SNX13: variants seen among roughly 807,000 people sequenced by gnomAD.
The protein encoded by SNX13 is sorting nexin-13.
A neutral mutation model predicts 133.6 loss-of-function variants in SNX13; 45 were observed. That is an observed-to-expected ratio of 0.34 (90% CI 0.27 to 0.43). The LOEUF (loss-of-function observed/expected upper bound fraction) is 0.43, where lower values mean the gene tolerates loss of function less well. Ranked by LOEUF, SNX13 falls within the 20% of genes least tolerant of loss-of-function variation. SNX13 has a pLI of 1.00. For missense variants in SNX13, 1,032 were observed against 1,145.1 expected, an observed-to-expected ratio of 0.90 and a Z score of 1.43; for synonymous variants, 414 against 373.9, an observed-to-expected ratio of 1.11 and a Z score of -1.24.
chr7:17,914,343 C>T (rs1438286386), intron 1 of SNX13, among the ~76,000 whole-genome samples: 1 of 152,150 alleles, frequency 6.6e-6, no homozygotes, highest in Non-Finnish European at 1.5e-5. Flanking sequence ...TTTCACCAAT[C>T]TGTCTATAGA....
At chr7:17,853,922 C>A (rs1449096064) in intron 9 of SNX13, among the ~76,000 whole-genome samples, 1 of 150,656 alleles carries the variant, frequency 6.6e-6, no homozygotes, top group African/African-American at 2.5e-5. Context: ...GCCTGCGCGA[C>A]AGAGCGAGAA....
rs1020317903 is a variant in SNX13, at chr7:17,940,461, G to A, written c.-166C>T. 5 of 768,528 alleles carry A rather than the reference G, an allele frequency of 6.5e-6. No homozygotes were observed. Among genetic ancestry groups the A allele is most frequent in the Middle Eastern group, 2.5e-4 (1 of 4,034 alleles). The allele number at this position is 768,528 out of a possible 1,614,324, so 47.6% of individuals were successfully genotyped here. A position where few individuals can be genotyped will look rare whatever the true frequency, so the allele number is the denominator to read the frequency against. On this transcript the variant is annotated 5_prime_UTR_variant, in exon 1 of 26. Transcript: ENST00000428135. ...TCGCTGGCCTCCCCTCGGCCCGGTC[G>A]CTCGCGACGGACGCGCCGCCATCTT...
chr7:17,864,029 C>G (rs899472873), intron 9 of SNX13, among the ~76,000 whole-genome samples: 1 of 152,170 alleles, frequency 6.6e-6, no homozygotes, highest in Non-Finnish European at 1.5e-5. Context: ...CATTCAATCC[C>G]TTTTGACTTC....
chr7:17,911,748 A>G (rs940543633), intron 1 of SNX13, among the ~76,000 whole-genome samples: 1 of 152,294 alleles, frequency 6.6e-6, no homozygotes, highest in Middle Eastern at 3.4e-3. Flanking sequence ...CAAGGAGTAC[A>G]ATATGTTATT....
chr7:17,820,040 G>A (rs954225408), intron 18 of SNX13, among the ~76,000 whole-genome samples: 1 of 152,102 alleles, frequency 6.6e-6, no homozygotes, highest in Non-Finnish European at 1.5e-5. Context: ...GGAAATTTCT[G>A]TATGAACTGT....
intron 12 of SNX13, among the ~76,000 whole-genome samples, chr7:17,842,508 C>A (rs571144733): frequency 4.0e-5 from 6 of 151,750 alleles, no homozygotes; most frequent in Non-Finnish European, 8.8e-5. Flanking sequence ...ACTTTGAAAT[C>A]ATATGAAGAA....
intron 4 of SNX13, among the ~76,000 whole-genome samples, chr7:17,891,046 ATAT>A (rs572521966): frequency 6.6e-6 from 1 of 151,966 alleles, no homozygotes; most frequent in Non-Finnish European, 1.5e-5. Context: ...GATAAACTAA[ATAT>A]TAGTAATAAT....
At chr7:17,839,369 C>G (rs951057927) in intron 13 of SNX13, among the ~76,000 whole-genome samples, 1 of 151,502 alleles carries the variant, frequency 6.6e-6, no homozygotes, top group East Asian at 1.9e-4. Flanking sequence ...CCAACTATAA[C>G]CGTTGAATTG....
At chr7:17,938,313 G>C (rs1802343890) in intron 1 of SNX13, among the ~76,000 whole-genome samples, 1 of 152,148 alleles carries the variant, frequency 6.6e-6, no homozygotes, top group Non-Finnish European at 1.5e-5. Flanking sequence ...TGAGCAAAAC[G>C]GTCAGAGCTC....
intron 14 of SNX13, 107 bp downstream of exon 14, chr7:17,834,654 T>C: frequency 1.6e-6 from 1 of 615,682 alleles, no homozygotes; most frequent in Non-Finnish European, 2.6e-6. Flanking sequence ...ATAGTTTATC[T>C]TTTTAATACC....
At chr7:17,853,265 G>T (rs1791456642) in intron 9 of SNX13, among the ~76,000 whole-genome samples, 1 of 152,128 alleles carries the variant, frequency 6.6e-6, no homozygotes, top group African/African-American at 2.4e-5. Flanking sequence ...AGCAAATAAA[G>T]TTAAAGAGGT....
chr7:17,833,988 T>G, intron 15 of SNX13, 64 bp downstream of exon 15: 1 of 1,237,416 alleles, frequency 8.1e-7, no homozygotes, highest in East Asian at 2.8e-5. Context: ...ACAAAAGCTC[T>G]TTTGGTAAGC....
intron 4 of SNX13, among the ~76,000 whole-genome samples, chr7:17,891,344 C>T (rs1796604788): frequency 1.3e-5 from 2 of 151,860 alleles, no homozygotes; most frequent in African/African-American, 4.8e-5. Flanking sequence ...CAAATTCAAT[C>T]GAAAGGCTTT....
chr7:17,852,172 G>A (rs1299198304), intron 9 of SNX13, among the ~76,000 whole-genome samples: 4 of 152,158 alleles, frequency 2.6e-5, no homozygotes, highest in South Asian at 2.1e-4. Flanking sequence ...TCAGGAGTTC[G>A]AGACCAGCCT....
chr7:17,825,093 AG>A (rs1787743035), intron 17 of SNX13, among the ~76,000 whole-genome samples: 1 of 152,180 alleles, frequency 6.6e-6, no homozygotes, highest in Non-Finnish European at 1.5e-5. Context: ...AACAATGCCT[AG>A]CACAGTGCTT....
chr7:17,887,077 T>C (rs966777008), intron 5 of SNX13, among the ~76,000 whole-genome samples: 1 of 152,118 alleles, frequency 6.6e-6, no homozygotes, highest in African/African-American at 2.4e-5. Flanking sequence ...ACTGAACACT[T>C]ACTATGTGCC....
At chr7:17,938,506 C>G (rs6973480) in intron 1 of SNX13, among the ~76,000 whole-genome samples, 1 of 152,026 alleles carries the variant, frequency 6.6e-6, no homozygotes, top group Non-Finnish European at 1.5e-5. Flanking sequence ...GAAAAGTTAA[C>G]AGAATGGGCT....
chr7:17,795,515 T>A (rs560080777), intron 25 of SNX13: 5 of 151,800 alleles, frequency 3.3e-5, no homozygotes, highest in African/African-American at 1.2e-4. Context: ...GGCCACCCCA[T>A]CTAAAACTGC....
intron 5 of SNX13, among the ~76,000 whole-genome samples, chr7:17,886,015 A>C (rs2128371247): frequency 1.3e-5 from 2 of 152,332 alleles, no homozygotes; most frequent in African/African-American, 4.8e-5. Context: ...AACAAAAAAA[A>C]GGATAAAACT....
Sources: gnomAD v4.1 joint callset for allele counts (sites outside exome capture counted in the v4.1 genomes callset) on GRCh38, gnomAD v4.1.1 for gene constraint, MANE v1.5 for transcripts, NCBI Gene and HGNC (gene_info 2026-07-23, HGNC 2026-07-21) for gene names.